The following CHRM3 variants were observed in gnomAD, a reference collection of about 807,000 sequenced individuals.
CHRM3 encodes the protein cholinergic receptor muscarinic 3.
Under a neutral mutation model 41.8 loss-of-function variants are expected in CHRM3, and 11 were observed. That is an observed-to-expected ratio of 0.26 (90% confidence interval 0.17 to 0.44). The LOEUF (loss-of-function observed/expected upper bound fraction) is 0.44. CHRM3 is among the 20% of genes least tolerant of loss of function. CHRM3 has a pLI of 1.00. For synonymous variants in CHRM3, 297 were observed against 301.4 expected (o/e 0.99, Z 0.15); for missense variants, 571 against 745.4 (o/e 0.77, Z 2.72).
chr1:239,875,668 T>C (rs968241430), intron 6 of CHRM3, among the ~76,000 whole-genome samples: 1 of 152,212 alleles, frequency 6.6e-6, no homozygotes, highest in Admixed American at 6.5e-5. Flanking sequence ...CAAGACAGTA[T>C]CATGTAGCCA....
At chr1:239,804,719 G>A (rs12061345) in intron 5 of CHRM3, among the ~76,000 whole-genome samples, 1 of 151,928 alleles carries the variant, frequency 6.6e-6, no homozygotes, top group Non-Finnish European at 1.5e-5. Flanking sequence ...TAAATGCAGC[G>A]CCTTCTTCCT....
chr1:239,390,956 G>T (rs956389763), intron 1 of CHRM3, among the ~76,000 whole-genome samples: 6 of 152,160 alleles, frequency 3.9e-5, no homozygotes, highest in African/African-American at 1.4e-4. Flanking sequence ...AGGCAACATA[G>T]CCAGACCCCA....
intron 5 of CHRM3, among the ~76,000 whole-genome samples, chr1:239,769,902 C>T (rs1335989975): frequency 2.0e-5 from 3 of 151,908 alleles, no homozygotes; most frequent in East Asian, 3.9e-4. Context: ...AAATTATTTG[C>T]GTTGGGCTCA....
At chr1:239,469,208 T>C (rs917807511) in intron 1 of CHRM3, among the ~76,000 whole-genome samples, 1 of 152,254 alleles carries the variant, frequency 6.6e-6, no homozygotes, top group Admixed American at 6.5e-5. Context: ...GGTCAGATGA[T>C]ACAATCTCTG....
intron 6 of CHRM3, among the ~76,000 whole-genome samples, chr1:239,850,350 G>C (rs772915305): frequency 3.2e-4 from 49 of 152,146 alleles, no homozygotes; most frequent in Non-Finnish European, 5.9e-4. Flanking sequence ...AGAAGGAAGA[G>C]AGGTGGGGCT....
chr1:239,740,777 C>T (rs1002951566), intron 5 of CHRM3, among the ~76,000 whole-genome samples: 12 of 152,110 alleles, frequency 7.9e-5, no homozygotes, highest in Non-Finnish European at 1.5e-4. Flanking sequence ...TACCATTTCA[C>T]ACCAGTTAGA....
intron 1 of CHRM3, among the ~76,000 whole-genome samples, chr1:239,398,706 A>G (rs1388643431): frequency 1.3e-5 from 2 of 152,206 alleles, no homozygotes; most frequent in Admixed American, 6.5e-5. Flanking sequence ...TAATAAAATT[A>G]AGGCATATTT....
chr1:239,488,815 G>A (rs565341666), intron 1 of CHRM3, among the ~76,000 whole-genome samples: 1 of 142,612 alleles, frequency 7.0e-6, no homozygotes, highest in Non-Finnish European at 1.5e-5. Context: ...GTAAAGGGAA[G>A]AAAGTACAGC....
intron 5 of CHRM3, among the ~76,000 whole-genome samples, chr1:239,741,474 A>G (rs1433126728): frequency 6.6e-6 from 1 of 152,116 alleles, no homozygotes; most frequent in Non-Finnish European, 1.5e-5. Context: ...GGCCTGCTTC[A>G]GGGGAACAGG....
At chr1:239,423,796 A>T (rs1280981908) in intron 1 of CHRM3, among the ~76,000 whole-genome samples, 8 of 152,096 alleles carry the variant, frequency 5.3e-5, no homozygotes, top group Admixed American at 2.0e-4. Context: ...TTGAAAAAGC[A>T]AGCCAACCCA....
At chr1:239,692,250 A>C (rs1659790890) in intron 5 of CHRM3, among the ~76,000 whole-genome samples, 1 of 152,178 alleles carries the variant, frequency 6.6e-6, no homozygotes, top group Non-Finnish European at 1.5e-5. Context: ...ATATGGATGG[A>C]CCAGGCTTTT....
intron 4 of CHRM3, among the ~76,000 whole-genome samples, chr1:239,645,600 A>T (rs1281177968): frequency 6.6e-6 from 1 of 152,222 alleles, no homozygotes; most frequent in Non-Finnish European, 1.5e-5. Flanking sequence ...ACAAATACCT[A>T]TGTGATGTCA....
chr1:239,722,323 G>C (rs1663047963), intron 5 of CHRM3, among the ~76,000 whole-genome samples: 1 of 151,844 alleles, frequency 6.6e-6, no homozygotes, highest in Admixed American at 6.6e-5. Flanking sequence ...GTTTCCCAGT[G>C]CCCATTGGCC....
At chr1:239,507,568 G>A (rs1299242949) in intron 2 of CHRM3, among the ~76,000 whole-genome samples, 1 of 152,184 alleles carries the variant, frequency 6.6e-6, no homozygotes, top group Non-Finnish European at 1.5e-5. Context: ...CAATGATGAT[G>A]ATTATATTCT....
At chr1:239,430,563 T>A (rs1219388005) in intron 1 of CHRM3, among the ~76,000 whole-genome samples, 1 of 152,060 alleles carries the variant, frequency 6.6e-6, no homozygotes, top group Admixed American at 6.6e-5. Flanking sequence ...CTGATAGAGA[T>A]AACTGGCTAA....
chr1:239,725,307 T>C (rs530584833), intron 5 of CHRM3, among the ~76,000 whole-genome samples: 1 of 151,990 alleles, frequency 6.6e-6, no homozygotes, highest in African/African-American at 2.4e-5. Flanking sequence ...TTACTGACCA[T>C]TTTTTCCCAA....
intron 1 of CHRM3, among the ~76,000 whole-genome samples, chr1:239,418,787 A>G (rs1384027852): frequency 6.6e-6 from 1 of 152,168 alleles, no homozygotes. Flanking sequence ...AACTCCAGGG[A>G]AGGGAAACAG....
chr1:239,525,178 C>T (rs1029633318), intron 2 of CHRM3, among the ~76,000 whole-genome samples: 1 of 152,006 alleles, frequency 6.6e-6, no homozygotes, highest in South Asian at 2.1e-4. Context: ...GCCTGGGCAA[C>T]ATAGGGAAAA....
chr1:239,692,621 C>G (rs1236594419), intron 5 of CHRM3, among the ~76,000 whole-genome samples: 1 of 151,978 alleles, frequency 6.6e-6, no homozygotes, highest in Non-Finnish European at 1.5e-5. Context: ...AAATTAATAA[C>G]CTAACAAAAG....
Sources: gnomAD v4.1 joint callset for allele counts (sites outside exome capture counted in the v4.1 genomes callset) on GRCh38, gnomAD v4.1.1 for gene constraint, MANE v1.5 for transcripts, NCBI Gene and HGNC (gene_info 2026-07-23, HGNC 2026-07-21) for gene names.